The following NME9 variants were observed in gnomAD, a reference collection of about 807,000 sequenced individuals.
NME9 encodes the protein thioredoxin domain-containing protein 6.
A neutral mutation model predicts 44.4 loss-of-function variants in NME9; 48 were observed. The observed-to-expected ratio is 1.08, with a 90% CI of 0.86 to 1.37. The LOEUF is 1.37. Ranked by LOEUF, NME9 falls within the 40% of genes most tolerant of loss-of-function variation. The pLI is 0.00. For missense variants in NME9, 325 were observed against 405.2 expected, an observed-to-expected ratio of 0.80 and a Z score of 1.70; for synonymous variants, 139 against 147.1, an observed-to-expected ratio of 0.94 and a Z score of 0.40.
At chr3:138,269,823 T>TC (rs1376301237) in intron 8 of NME9, among the ~76,000 whole-genome samples, 13 of 149,728 alleles carry the variant, frequency 8.7e-5, no homozygotes, top group Middle Eastern at 3.4e-3. Flanking sequence ...TTTCTTTCTT[T>TC]TTTTTTTTTT....
chr3:138,290,754 A>G (rs956011909), intron 8 of NME9: 1 of 701,302 alleles, frequency 1.4e-6, no homozygotes, highest in Non-Finnish European at 2.4e-6. Context: ...AGATTCTTAG[A>G]TTTTCTTCAT....
intron 8 of NME9, chr3:138,267,030 C>T: frequency 1.8e-6 from 1 of 566,112 alleles, no homozygotes; most frequent in Non-Finnish European, 3.0e-6. Context: ...TTCTTCCTAT[C>T]TCTCCAATAC....
rs1260591641 is a variant in NME9 at position 138,275,558 on chromosome 3, C to CA, written c.746-12973dup. On this transcript the variant is annotated intron_variant, in intron 8 of 8. Coordinates refer to the NME9 transcript ENST00000317876. ...TGGGCGGAAGAGCGAGACTCTGTCT[C>CA]AAAAAAAAAAAAATTCATTAAGCTG... Among the ~76,000 whole-genome samples, 681 of 138,842 alleles carry CA rather than the reference C, an allele frequency of 4.9e-3. 4 individuals carry two copies. Among genetic ancestry groups the CA allele is most frequent in the African/African-American group, 0.014 (511 of 37,830 alleles). 91.1% of individuals were successfully genotyped at this position (138,842 alleles called of 152,430 possible).
At chr3:138,281,401 T>A (rs2049915950) in intron 8 of NME9, among the ~76,000 whole-genome samples, 1 of 151,622 alleles carries the variant, frequency 6.6e-6, no homozygotes, top group African/African-American at 2.4e-5. Context: ...TAATAGATTC[T>A]CCTGCCTCAG....
chr3:138,281,056 T>A (rs922857276), intron 8 of NME9, among the ~76,000 whole-genome samples: 8 of 152,150 alleles, frequency 5.3e-5, no homozygotes, highest in Non-Finnish European at 8.8e-5. Flanking sequence ...CTATAGACAA[T>A]ACATAAGCAA....
At chr3:138,322,238 A>G (rs1240205465) in intron 2 of NME9, among the ~76,000 whole-genome samples, 1 of 152,128 alleles carries the variant, frequency 6.6e-6, no homozygotes, top group African/African-American at 2.4e-5. Context: ...CAATTAGCCT[A>G]AACTCTCTGT....
chr3:138,273,909 C>T (rs369656160), intron 8 of NME9, among the ~76,000 whole-genome samples: 69 of 152,074 alleles, frequency 4.5e-4, no homozygotes, highest in Admixed American at 2.6e-3. Context: ...CTCCACTTCC[C>T]GGGTTCAAGT....
chr3:138,301,144 T>G lies in NME9; in HGVS notation c.*496A>C. The G allele has an allele frequency of 2.1e-6, 2 of 958,244 alleles. No individual in the cohort carries two copies. Among genetic ancestry groups the G allele is most frequent in the Non-Finnish European group, 2.5e-6 (2 of 805,330 alleles). The allele number at this position is 958,244 out of a possible 1,614,324, so 59.4% of individuals were successfully genotyped here. A position where few individuals can be genotyped will look rare whatever the true frequency, so the allele number is the denominator to read the frequency against. On this transcript the variant is annotated 3_prime_UTR_variant, in exon 11 of 11. Coordinates refer to ENST00000333911, the MANE Select transcript of NME9 (RefSeq NM_001349018.2). The stretch of plus-strand genomic sequence containing the variant: ...AATCCCAAAGACAGAGAAAAAAAAC[T>G]GCGTTCTACATACTGTTTAATAAGG...
chr3:138,272,329 C>T (rs897159363), intron 8 of NME9, among the ~76,000 whole-genome samples: 6 of 152,098 alleles, frequency 3.9e-5, no homozygotes, highest in Admixed American at 6.6e-5. Context: ...ATAGTCATTT[C>T]GTGTACAGCA....
At chr3:138,266,702 A>G (rs1300513562) in intron 8 of NME9, among the ~76,000 whole-genome samples, 2 of 152,156 alleles carry the variant, frequency 1.3e-5, no homozygotes, top group East Asian at 1.9e-4. Flanking sequence ...TGTCCTGCCT[A>G]TGCAGTAGTA....
chr3:138,322,264 A>G lies in NME9; in HGVS notation c.91+2609T>C, dbSNP rs551238196. ...AACTCTCTGTGCTGTATTTGTATTG[A>G]TAGTGCACCTGCCATTTCTACTAGC... On this transcript the variant is annotated intron_variant, in intron 2 of 10. Transcript: ENST00000333911. 2.6e-5 allele frequency among the ~76,000 whole-genome samples: 4 copies of G among 151,668 alleles called. No individual in the cohort carries two copies. The South Asian group carries it at 8.3e-4, about 32-fold the overall frequency.
At chr3:138,320,296 C>T (rs1443279735) in intron 2 of NME9, among the ~76,000 whole-genome samples, 1 of 152,140 alleles carries the variant, frequency 6.6e-6, no homozygotes, top group African/African-American at 2.4e-5. Flanking sequence ...CCCCACGCGA[C>T]CATGAAGCAG....
At chr3:138,291,054 G>A (rs1015569671) in intron 8 of NME9, among the ~76,000 whole-genome samples, 3 of 152,218 alleles carry the variant, frequency 2.0e-5, no homozygotes, top group African/African-American at 7.2e-5. Flanking sequence ...CTACCACTAA[G>A]GAATCACTGT....
At chr3:138,314,535 A>G in intron 5 of NME9, 128 bp from the exon 6 acceptor site, 1 of 610,346 alleles carries the variant, frequency 1.6e-6, no homozygotes, top group Non-Finnish European at 2.8e-6. Flanking sequence ...CAAAATTATC[A>G]GTCTTGGAAA....
chr3:138,284,539 C>T (rs763955783), intron 8 of NME9: 2 of 1,564,236 alleles, frequency 1.3e-6, no homozygotes, highest in Non-Finnish European at 1.8e-6. Context: ...GAGCCCTTGT[C>T]CCCTTTCACC....
At chr3:138,327,395 T>C (rs1468524197) in intron 1 of NME9, among the ~76,000 whole-genome samples, 1 of 151,844 alleles carries the variant, frequency 6.6e-6, no homozygotes, top group Non-Finnish European at 1.5e-5. Context: ...CACCAGCAGC[T>C]CTCTGTGGCC....
intron 8 of NME9, among the ~76,000 whole-genome samples, chr3:138,269,209 A>C (rs2048554712): frequency 6.6e-6 from 1 of 152,222 alleles, no homozygotes; most frequent in Admixed American, 6.5e-5. Context: ...TTTAAAATAT[A>C]ATTTGTACAG....
intron 8 of NME9, among the ~76,000 whole-genome samples, chr3:138,305,305 A>C (rs1049092843): frequency 6.6e-6 from 1 of 152,214 alleles, no homozygotes; most frequent in African/African-American, 2.4e-5. Flanking sequence ...TAAACGTGAG[A>C]TTATATAAAT....
intron 2 of NME9, chr3:138,324,523 G>A (rs1358393718): frequency 4.2e-6 from 2 of 470,916 alleles, no homozygotes; most frequent in Non-Finnish European, 8.4e-6. Context: ...TCCCAGTGAT[G>A]CCTGGCTCTC....
Sources: gnomAD v4.1 joint callset for allele counts (sites outside exome capture counted in the v4.1 genomes callset) on GRCh38, gnomAD v4.1.1 for gene constraint, MANE v1.5 for transcripts, NCBI Gene and HGNC (gene_info 2026-07-23, HGNC 2026-07-21) for gene names.